PTPRG: variants seen among roughly 807,000 people sequenced by gnomAD.
PTPRG encodes the protein protein tyrosine phosphatase receptor type G.
A neutral mutation model predicts 165.3 loss-of-function variants in PTPRG; 102 were observed. The observed-to-expected ratio is 0.62, with a 90% CI of 0.53 to 0.73. The LOEUF (loss-of-function observed/expected upper bound fraction) is 0.73, where lower values mean the gene tolerates loss of function less well. Ranked by LOEUF, PTPRG falls within the 30% of genes least tolerant of loss-of-function variation. The pLI, the probability that PTPRG is intolerant of heterozygous loss-of-function variation, is 0.00. For missense variants in PTPRG, 1,866 were observed against 1,861.4 expected, an observed-to-expected ratio of 1.00 and a Z score of -0.05; for synonymous variants, 675 against 669.5, an observed-to-expected ratio of 1.01 and a Z score of -0.13.
chr3:62,095,791 G>A (rs2106810725), intron 5 of PTPRG, among the ~76,000 whole-genome samples: 1 of 152,250 alleles, frequency 6.6e-6, no homozygotes, highest in Non-Finnish European at 1.5e-5. Flanking sequence ...GAGAAGACAG[G>A]ATTCAGCTGA....
chr3:61,876,545 ACTTCT>A (rs1251715160), intron 2 of PTPRG, among the ~76,000 whole-genome samples: 1 of 152,146 alleles, frequency 6.6e-6, no homozygotes, highest in Non-Finnish European at 1.5e-5. Context: ...ATAAATCTAA[ACTTCT>A]CTCAATACAA....
chr3:61,837,081 AT>A (rs1210681345), intron 2 of PTPRG, among the ~76,000 whole-genome samples: 1 of 152,218 alleles, frequency 6.6e-6, no homozygotes, highest in East Asian at 1.9e-4. Context: ...TGCCCGGCCA[AT>A]TTTTGTATTT....
At chr3:61,806,147 A>G (rs2035409353) in intron 2 of PTPRG, among the ~76,000 whole-genome samples, 1 of 152,178 alleles carries the variant, frequency 6.6e-6, no homozygotes, top group African/African-American at 2.4e-5. Context: ...CTCTTCCAAA[A>G]CTTGCATACC....
In PTPRG at chr3:61,652,019, A is replaced by G. The variant is rs545714678; in HGVS notation, c.85+89647A>G. On this transcript the variant is annotated intron_variant, in intron 1 of 29. Coordinates refer to ENST00000474889, the MANE Select transcript of PTPRG (RefSeq NM_002841.4). ...AGCGAGACTTCATCTCAATATATAT[A>G]TAAAAGTAGGCCAGGCGCAGTAGCT... Among the ~76,000 whole-genome samples the G allele has an allele frequency of 4.7e-4, 71 of 151,890 alleles. 4 individuals are homozygous for G. The South Asian group carries it at 0.014, about 29-fold the overall frequency.
At chr3:62,114,008 T>C (rs988144105) in intron 5 of PTPRG, among the ~76,000 whole-genome samples, 7 of 152,172 alleles carry the variant, frequency 4.6e-5, no homozygotes, top group African/African-American at 1.4e-4. Context: ...GTCTTAGAAG[T>C]GGCTTTCCGA....
At chr3:61,873,241 A>G (rs867954027) in intron 2 of PTPRG, among the ~76,000 whole-genome samples, 1 of 152,208 alleles carries the variant, frequency 6.6e-6, no homozygotes, top group Non-Finnish European at 1.5e-5. Context: ...TACAGCCTCA[A>G]TGACATTCAC....
At chr3:62,036,983 G>GCACACACACACACACACACACA (rs10587372) in intron 4 of PTPRG, among the ~76,000 whole-genome samples, 2 of 150,456 alleles carry the variant, frequency 1.3e-5, no homozygotes, top group Non-Finnish European at 3.0e-5. Context: ...GCGCGCGCAC[G>GCACACACACACACACACACACA]CACACACACA....
intron 2 of PTPRG, among the ~76,000 whole-genome samples, chr3:61,791,786 C>G (rs1167115013): frequency 6.6e-6 from 1 of 152,226 alleles, no homozygotes; most frequent in African/African-American, 2.4e-5. Context: ...TCAGGCCCGG[C>G]CTGTTTCTAA....
At chr3:61,930,290 G>A (rs1394025402) in intron 2 of PTPRG, among the ~76,000 whole-genome samples, 2 of 152,048 alleles carry the variant, frequency 1.3e-5, no homozygotes, top group East Asian at 3.9e-4. Flanking sequence ...TGTATTTTGT[G>A]TGGCTTCATA....
intron 23 of PTPRG, among the ~76,000 whole-genome samples, chr3:62,274,898 G>A (rs932661803): frequency 1.3e-5 from 2 of 151,664 alleles, no homozygotes; most frequent in African/African-American, 2.4e-5. Context: ...TGCCTTTTTC[G>A]TTTCTTCAAT....
intron 2 of PTPRG, among the ~76,000 whole-genome samples, chr3:61,769,009 TTTC>T (rs1209649997): frequency 9.2e-5 from 14 of 152,196 alleles, no homozygotes; most frequent in Non-Finnish European, 1.5e-4. Flanking sequence ...AGTATTTTCC[TTTC>T]TTCTTTATTT....
At chr3:62,005,270 C>A (rs2041268626) in intron 4 of PTPRG, among the ~76,000 whole-genome samples, 1 of 152,152 alleles carries the variant, frequency 6.6e-6, no homozygotes, top group Admixed American at 6.5e-5. Flanking sequence ...GGTTCTCTTC[C>A]ACCCTTAAAA....
intron 2 of PTPRG, among the ~76,000 whole-genome samples, chr3:61,891,191 G>A (rs748901848): frequency 1.3e-5 from 2 of 151,466 alleles, no homozygotes; most frequent in African/African-American, 4.9e-5. Context: ...TGTGGCATGC[G>A]CCTGTAATCC....
chr3:61,577,917 A>G (rs1194958260), intron 1 of PTPRG, among the ~76,000 whole-genome samples: 1 of 152,232 alleles, frequency 6.6e-6, no homozygotes, highest in East Asian at 1.9e-4. Flanking sequence ...GGTTAGGGTC[A>G]TTTAGCTTTG....
rs138125676 is a variant in PTPRG, at chr3:61,648,231, A to G, written c.85+85859A>G. Among the ~76,000 whole-genome samples the G allele has an allele frequency of 3.5e-4, 53 of 152,350 alleles. No individual in the cohort carries two copies. The East Asian group carries it at 6.4e-3, about 18-fold the overall frequency. On this transcript the variant is annotated intron_variant, in intron 1 of 29. Transcript: ENST00000474889. ...AACATATTAGGAGATTCGTTAACAT[A>G]GTTGTCCATTCGTTACCCAGGCAAT... is the stretch of plus-strand genomic sequence containing the variant.
chr3:61,986,284 T>A (rs1307235519), intron 2 of PTPRG, among the ~76,000 whole-genome samples: 1 of 152,182 alleles, frequency 6.6e-6, no homozygotes, highest in Non-Finnish European at 1.5e-5. Flanking sequence ...GGAATGAAGT[T>A]GTACAAGATA....
chr3:62,282,652 GAGCAAGTTCTAGTCATT>G, intron 27 of PTPRG, 58 bp from the exon 28 acceptor site: 1 of 1,460,126 alleles, frequency 6.8e-7, no homozygotes, highest in Non-Finnish European at 9.2e-7. Flanking sequence ...GCTTTCTCAG[GAGCAAGTTCTAGTCATT>G]AGATTGTAGA....
intron 2 of PTPRG, among the ~76,000 whole-genome samples, chr3:61,841,100 T>C (rs148559424): frequency 1.3e-5 from 2 of 152,296 alleles, no homozygotes; most frequent in African/African-American, 4.8e-5. Flanking sequence ...GCTATCTTAA[T>C]AATGCCCTTT....
chr3:62,205,185 A>T (rs1375252005), intron 12 of PTPRG, among the ~76,000 whole-genome samples: 6 of 151,922 alleles, frequency 3.9e-5, no homozygotes, highest in Non-Finnish European at 8.8e-5. Flanking sequence ...TCCTGTGGGT[A>T]TTGCTCACTT....
Sources: gnomAD v4.1 joint callset for allele counts (sites outside exome capture counted in the v4.1 genomes callset) on GRCh38, gnomAD v4.1.1 for gene constraint, MANE v1.5 for transcripts, NCBI Gene and HGNC (gene_info 2026-07-23, HGNC 2026-07-21) for gene names.